Variants in AMMECR1 observed in about 807,000 individuals in gnomAD.
AMMECR1 encodes the protein nuclear protein AMMECR1.
Under a neutral mutation model 22.5 loss-of-function variants are expected in AMMECR1, and 3 were observed. The observed-to-expected ratio is 0.13, with a 90% CI of 0.06 to 0.35. The LOEUF is 0.35. Among genes scored for constraint, AMMECR1 ranks in the 10% least tolerant of loss-of-function variants. The probability of loss-of-function intolerance (pLI) is 1.00; values close to 1 mark genes in which losing one functional copy is unlikely to be tolerated. For synonymous variants in AMMECR1, 130 were observed against 116.7 expected, an observed-to-expected ratio of 1.11 and a Z score of -0.74; for missense variants, 235 against 278.7, an observed-to-expected ratio of 0.84 and a Z score of 1.12.
chrX:110,386,120 G>T (rs1439124629), intron 2 of AMMECR1, among the ~76,000 whole-genome samples: 3 of 110,866 alleles, frequency 2.7e-5, no homozygotes, highest in Non-Finnish European at 5.7e-5. Flanking sequence ...GTAAAGATAT[G>T]TTTTTAAATC....
chrX:110,206,025 G>C (rs986921542), intron 3 of AMMECR1, among the ~76,000 whole-genome samples: 1 of 112,225 alleles, frequency 8.9e-6, no homozygotes, highest in Non-Finnish European at 1.9e-5. Flanking sequence ...TAAATATCAA[G>C]ATTAATGTTA....
chrX:110,249,104 T>C (rs1031284560), intron 2 of AMMECR1, among the ~76,000 whole-genome samples: 5 of 111,730 alleles, frequency 4.5e-5, no homozygotes, highest in African/African-American at 1.6e-4. Flanking sequence ...TGCCTCAAGA[T>C]TCTAAAAGGA....
intron 1 of AMMECR1, among the ~76,000 whole-genome samples, chrX:110,275,927 A>C (rs1463128268): frequency 2.7e-5 from 3 of 111,884 alleles, no homozygotes; most frequent in Non-Finnish European, 5.6e-5. Flanking sequence ...TTATGGATTT[A>C]CATTTTCATC....
At chrX:110,230,342 A>G (rs1168567539) in intron 2 of AMMECR1, among the ~76,000 whole-genome samples, 1 of 112,256 alleles carries the variant, frequency 8.9e-6, no homozygotes, top group Non-Finnish European at 1.9e-5. Flanking sequence ...CTGTTCTGCA[A>G]TATTTGCTGT....
chrX:110,378,256 T>C (rs1188811514), intron 2 of AMMECR1, among the ~76,000 whole-genome samples: 1 of 111,270 alleles, frequency 9.0e-6, no homozygotes, highest in African/African-American at 3.3e-5. Context: ...GAATAATTGC[T>C]TATTTTAATA....
chrX:110,313,459 C>CAGA (rs1460846685), intron 1 of AMMECR1, among the ~76,000 whole-genome samples: 11 of 111,899 alleles, frequency 9.8e-5, no homozygotes, highest in Admixed American at 1.9e-4. Context: ...AGTGCCTTAG[C>CAGA]AGAATCCTTT....
chrX:110,300,534 C>T (rs772759370), intron 1 of AMMECR1, among the ~76,000 whole-genome samples: 59 of 111,985 alleles, frequency 5.3e-4, no homozygotes, highest in Non-Finnish European at 8.5e-4. Context: ...AGCAACAGAT[C>T]ATTAGATTAG....
chrX:110,321,471 G>A (rs1461902209), upstream of AMMECR1, among the ~76,000 whole-genome samples: 2 of 111,188 alleles, frequency 1.8e-5, no homozygotes, highest in Admixed American at 9.5e-5. Context: ...TCCTGTCAAA[G>A]GCTTTGTTTT....
At chrX:110,313,729 A>T (rs961483615) in intron 1 of AMMECR1, among the ~76,000 whole-genome samples, 1 of 111,463 alleles carries the variant, frequency 9.0e-6, no homozygotes, top group African/African-American at 3.3e-5. Context: ...CAGGTTTCCA[A>T]GAGTCACCCT....
chrX:110,250,068 A>T (rs2067679423), intron 2 of AMMECR1, among the ~76,000 whole-genome samples: 1 of 112,464 alleles, frequency 8.9e-6, no homozygotes, highest in African/African-American at 3.2e-5. Context: ...ACTTGACACA[A>T]GGCAGATAAC....
At chrX:110,246,122 T>C (rs1283832448) in intron 2 of AMMECR1, among the ~76,000 whole-genome samples, 1 of 112,118 alleles carries the variant, frequency 8.9e-6, no homozygotes, top group Non-Finnish European at 1.9e-5. Context: ...AATTAGTACA[T>C]ATAGATTCTT....
chrX:110,328,780 T>C (rs1268278344), intron 2 of AMMECR1, among the ~76,000 whole-genome samples: 2 of 111,533 alleles, frequency 1.8e-5, no homozygotes, highest in Non-Finnish European at 3.8e-5. Flanking sequence ...TCCATGTCCC[T>C]GCAAAGGACA....
At chrX:110,393,107 A>G (rs1211318096) in intron 2 of AMMECR1, among the ~76,000 whole-genome samples, 2 of 111,574 alleles carry the variant, frequency 1.8e-5, no homozygotes, top group Non-Finnish European at 3.8e-5. Flanking sequence ...CGGAGACTGC[A>G]TCTTCCACAA....
At chrX:110,396,426 C>T (rs1005386317) in intron 2 of AMMECR1, among the ~76,000 whole-genome samples, 3 of 109,045 alleles carry the variant, frequency 2.8e-5, no homozygotes, top group Non-Finnish European at 3.8e-5. Context: ...TATACAATGA[C>T]GAAATTATTA....
intron 2 of AMMECR1, among the ~76,000 whole-genome samples, chrX:110,238,759 C>T (rs368838801): frequency 8.9e-4 from 100 of 112,371 alleles, no homozygotes; most frequent in Middle Eastern, 4.6e-3. Context: ...CTGGGAGACA[C>T]CTCCCAGCAG....
At chrX:110,374,986 A>G (rs1377163188) in intron 2 of AMMECR1, among the ~76,000 whole-genome samples, 1 of 111,544 alleles carries the variant, frequency 9.0e-6, no homozygotes, top group Admixed American at 9.5e-5. Flanking sequence ...TGAAAGGCTA[A>G]CTAACCCAGG....
intron 1 of AMMECR1, among the ~76,000 whole-genome samples, chrX:110,271,142 C>A (rs1306068997): frequency 9.0e-6 from 1 of 111,658 alleles, no homozygotes; most frequent in Non-Finnish European, 1.9e-5. Flanking sequence ...TTATACCACA[C>A]TCCTCCCTCC....
intron 2 of AMMECR1, among the ~76,000 whole-genome samples, chrX:110,325,087 T>A (rs1297944555): frequency 8.9e-6 from 1 of 111,775 alleles, no homozygotes; most frequent in Non-Finnish European, 1.9e-5. Flanking sequence ...TTTAAATGTG[T>A]GGTAGAATTT....
intron 2 of AMMECR1, among the ~76,000 whole-genome samples, chrX:110,414,962 A>G (rs1213371285): frequency 9.1e-6 from 1 of 110,205 alleles, no homozygotes; most frequent in Non-Finnish European, 1.9e-5. Flanking sequence ...AGAAGAAAGC[A>G]TATATATATA....
Sources: gnomAD v4.1 joint callset for allele counts (sites outside exome capture counted in the v4.1 genomes callset) on GRCh38, gnomAD v4.1.1 for gene constraint, MANE v1.5 for transcripts, NCBI Gene and HGNC (gene_info 2026-07-23, HGNC 2026-07-21) for gene names.